The following HPX variants were observed in gnomAD, a reference collection of about 807,000 sequenced individuals.
HPX encodes the protein hemopexin, also known as beta-1B-glycoprotein.
Under a neutral mutation model 53.8 loss-of-function variants are expected in HPX, and 42 were observed. The ratio of observed to expected loss-of-function variants is 0.78; its 90% CI spans 0.61 to 1.01. The LOEUF is 1.01. Among genes scored for constraint, HPX ranks in the 50% least tolerant of loss-of-function variants. The probability of loss-of-function intolerance (pLI) is 0.00; values close to 1 mark genes in which losing one functional copy is unlikely to be tolerated. For synonymous variants in HPX, 229 were observed against 221.1 expected, an observed-to-expected ratio of 1.04 and a Z score of -0.32; for missense variants, 547 against 594.3, an observed-to-expected ratio of 0.92 and a Z score of 0.83.
At chr11:6,440,359 G>C in intron 3 of HPX, 73 bp from the exon 4 acceptor site, 2 of 1,599,056 alleles carry the variant, frequency 1.3e-6, no homozygotes, top group South Asian at 2.2e-5. Flanking sequence ...GAGAGAAGCT[G>C]TCAGTGATAC....
chr11:6,436,934 G>A, intron 7 of HPX, 112 bp downstream of exon 7: 1 of 1,211,564 alleles, frequency 8.3e-7, no homozygotes, highest in Non-Finnish European at 1.2e-6. Context: ...GATGGGGACA[G>A]AGGGGACAAA....
chr11:6,437,483 G>C lies in HPX; in HGVS notation c.660C>G (p.Tyr220Ter), dbSNP rs770393334. Residue 220 changes from tyrosine (Y) to a stop codon, truncating the protein, a stop_gained, in exon 6 of 10, where the codon TAC (tyrosine) becomes TAG (stop). Coordinates refer to ENST00000265983, the MANE Select transcript of HPX (RefSeq NM_000613.3). LOFTEE classifies it high-confidence loss of function. Reference sequence around the variant, plus strand: ...TGAAGTAGTCTCGGACATCCCGCGGGTACCTGGGAGGCACCTCTCCCCTGA... The same window carrying C: ...TGAAGTAGTCTCGGACATCCCGCGGCTACCTGGGAGGCACCTCTCCCCTGA... ...DPVRGEVPPR[Y>*]PRDVRDYFMP... The C allele has an allele frequency of 1.9e-6, 3 of 1,614,154 alleles. No homozygotes were observed. Among genetic ancestry groups the C allele is most frequent in the African/African-American group, 1.3e-5 (1 of 75,052 alleles).
intron 9 of HPX, 35 bp from the exon 10 acceptor site, chr11:6,431,505 A>C (rs746614540): frequency 6.2e-7 from 1 of 1,612,922 alleles, no homozygotes. Flanking sequence ...CATGGCTTCC[A>C]TGTCATGGGG....
chr11:6,432,048 G>A (rs553486376), intron 7 of HPX, 31 bp from the exon 8 acceptor site: 289 of 1,612,642 alleles, frequency 1.8e-4, no homozygotes, highest in Admixed American at 8.9e-4. Flanking sequence ...CTCTAGGGCC[G>A]CTGGCAGAAG....
At chr11:6,438,847 T>G (rs1849450603) in intron 4 of HPX, among the ~76,000 whole-genome samples, 2 of 151,690 alleles carry the variant, frequency 1.3e-5, no homozygotes, top group African/African-American at 2.4e-5. Context: ...TTTCTTCATT[T>G]ATTTATTCAT....
chr11:6,437,016 C>A, intron 7 of HPX, 30 bp downstream of exon 7: 2 of 1,609,888 alleles, frequency 1.2e-6, no homozygotes, highest in Non-Finnish European at 8.5e-7. Context: ...GATGTGAGAG[C>A]ACATTGGGGG....
In HPX at chr11:6,431,633, C is replaced by T. The variant is rs373178969; in HGVS notation, c.1129+8G>A. 1.9e-5 allele frequency: 30 copies of T among 1,613,048 alleles called. No individual in the cohort carries two copies. Among genetic ancestry groups the T allele is most frequent in the Non-Finnish European group, 2.2e-5 (26 of 1,179,982 alleles). On this transcript the variant is annotated splice_region_variant and intron_variant, in intron 9 of 9. Coordinates refer to ENST00000265983, the MANE Select transcript of HPX (RefSeq NM_000613.3). Reference sequence around the variant, plus strand: ...AAGCTGCCCTCTAAGCACCCAGAAGCCCCTCACCTGCCATGATATGGAGCC... The same window carrying T: ...AAGCTGCCCTCTAAGCACCCAGAAGTCCCTCACCTGCCATGATATGGAGCC...
intron 5 of HPX, chr11:6,437,948 A>C: frequency 1.8e-6 from 1 of 542,208 alleles, no homozygotes; most frequent in Non-Finnish European, 3.3e-6. Context: ...CCCCAGAGAG[A>C]GGAAAGATTC....
chr11:6,433,570 G>A (rs565066252), intron 7 of HPX, among the ~76,000 whole-genome samples: 11 of 152,196 alleles, frequency 7.2e-5, no homozygotes, highest in African/African-American at 7.2e-5. Context: ...TAGTCCAAGC[G>A]GTCATCACCT....
chr11:6,431,151 C>T lies in HPX; in HGVS notation c.*60G>A. 2 of 1,596,720 alleles carry T rather than the reference C, an allele frequency of 1.3e-6. No individual in the cohort carries two copies. The highest frequency in any genetic ancestry group is 8.6e-7 in the Non-Finnish European group (1 of 1,168,724). ...CCTCAGTGAGAAGCGAAGAAGCAAT[C>T]TGTCTTTATTATGAGGAACTAGGAG... On this transcript the variant is annotated 3_prime_UTR_variant, in exon 10 of 10. Transcript: ENST00000265983.
intron 7 of HPX, among the ~76,000 whole-genome samples, chr11:6,435,969 C>G (rs937489777): frequency 1.3e-5 from 2 of 152,292 alleles, no homozygotes; most frequent in East Asian, 3.9e-4. Context: ...CACTCTCTCT[C>G]TCTTTCTGCA....
intron 1 of HPX, 63 bp downstream of exon 1, chr11:6,440,818 A>T: frequency 1.3e-6 from 2 of 1,596,038 alleles, no homozygotes; most frequent in Non-Finnish European, 1.7e-6. Flanking sequence ...AGGCCTAAAA[A>T]CTGGCCCTAC....
At chr11:6,438,539 G>A (rs775443428) in intron 4 of HPX, 30 bp from the exon 5 acceptor site, 2 of 1,606,726 alleles carry the variant, frequency 1.2e-6, no homozygotes, top group Non-Finnish European at 1.7e-6. Context: ...CTTTTTGACT[G>A]TGCATCCCCA....
intron 7 of HPX, among the ~76,000 whole-genome samples, chr11:6,435,905 GTCTC>G (rs1425002839): frequency 6.6e-6 from 1 of 152,198 alleles, no homozygotes; most frequent in Non-Finnish European, 1.5e-5. Flanking sequence ...ATGGCTTGGT[GTCTC>G]TCTCTATTTC....
chr11:6,433,397 G>T (rs551148221), intron 7 of HPX, among the ~76,000 whole-genome samples: 1 of 152,290 alleles, frequency 6.6e-6, no homozygotes, highest in African/African-American at 2.4e-5. Flanking sequence ...AGCTGGTCTC[G>T]AACTCCTGAC....
chr11:6,436,354 C>T (rs1230197885), intron 7 of HPX, among the ~76,000 whole-genome samples: 1 of 152,212 alleles, frequency 6.6e-6, no homozygotes, highest in Non-Finnish European at 1.5e-5. Flanking sequence ...GGGATATTCT[C>T]AACTGTGCAG....
chr11:6,440,644 A>G, intron 2 of HPX, 28 bp downstream of exon 2: 1 of 1,607,498 alleles, frequency 6.2e-7, no homozygotes, highest in Non-Finnish European at 8.5e-7. Context: ...CAGACAGATA[A>G]GACAGACTTA....
chr11:6,437,353 T>A, intron 6 of HPX, 87 bp downstream of exon 6: 1 of 1,411,970 alleles, frequency 7.1e-7, no homozygotes, highest in Non-Finnish European at 1.0e-6. Flanking sequence ...AACACGGAGT[T>A]AAAGTGAGAG....
In HPX at chr11:6,440,678, C is replaced by T. The variant is rs573615393; in HGVS notation, c.136G>A (p.Val46Met). ...TAGGGAGTCAGGGCCTCACCAGTCA[C>T]GTCTGGGTCTGGCTTGGTCTCGCCT... ...AEGETKPDPD[V>M]TERCSDGWSF... The change falls in exon 2 of 10, where the codon GTG becomes ATG. Residue 46 changes from valine (V) to methionine (M), a missense_variant. Physicochemically the swap from Val to Met is conservative, Grantham distance 21. Coordinates refer to ENST00000265983, the MANE Select transcript of HPX (RefSeq NM_000613.3). The T allele has an allele frequency of 1.6e-5, 25 of 1,612,654 alleles. 1 individual carries two copies. In the South Asian group the frequency reaches 1.6e-4, roughly 11 times the overall value.
Sources: allele counts gnomAD v4.1 joint callset (sites outside exome capture counted in the v4.1 genomes callset), GRCh38; gene constraint gnomAD v4.1.1; transcripts MANE v1.5; gene names NCBI Gene and HGNC (gene_info 2026-07-23, HGNC 2026-07-21).